Variants in NT5C2 observed in about 807,000 individuals in gnomAD.
NT5C2 encodes 5'-nucleotidase, cytosolic II.
Under a neutral mutation model 76.1 loss-of-function variants are expected in NT5C2, and 58 were observed. The ratio of observed to expected loss-of-function variants is 0.76; its 90% CI spans 0.62 to 0.95. NT5C2 has a LOEUF of 0.95. Among genes scored for constraint, NT5C2 ranks in the 40% least tolerant of loss-of-function variants. The pLI is 0.00. For synonymous variants in NT5C2, 229 were observed against 237.4 expected, an observed-to-expected ratio of 0.96 and a Z score of 0.32; for missense variants, 478 against 690.3, an observed-to-expected ratio of 0.69 and a Z score of 3.45.
chr10:103,129,457 C>T (rs1448355554), intron 4 of NT5C2, among the ~76,000 whole-genome samples: 9 of 113,026 alleles, frequency 8.0e-5, no homozygotes, highest in South Asian at 3.3e-4. Flanking sequence ...GGCCAGCCAC[C>T]CCGTCCGGGA....
At chr10:103,096,800 C>T (rs889253994) in intron 11 of NT5C2, among the ~76,000 whole-genome samples, 3 of 141,998 alleles carry the variant, frequency 2.1e-5, no homozygotes, top group Admixed American at 7.3e-5. Context: ...GAGCCGAGAT[C>T]GCACCACTGC....
intron 4 of NT5C2, among the ~76,000 whole-genome samples, chr10:103,135,303 G>A (rs1195562881): frequency 6.6e-6 from 1 of 152,140 alleles, no homozygotes; most frequent in Non-Finnish European, 1.5e-5. Flanking sequence ...TCATGGGAGT[G>A]GGTCTTTCCC....
At chr10:103,149,312 C>T (rs1447391716) in intron 3 of NT5C2, among the ~76,000 whole-genome samples, 1 of 152,172 alleles carries the variant, frequency 6.6e-6, no homozygotes, top group Non-Finnish European at 1.5e-5. Context: ...AATGCAGACT[C>T]TCTTTCCAGC....
chr10:103,115,033 A>C (rs1006767986), intron 4 of NT5C2, among the ~76,000 whole-genome samples: 1 of 152,258 alleles, frequency 6.6e-6, no homozygotes, highest in African/African-American at 2.4e-5. Context: ...GAGAATGTGT[A>C]AGCAGAAAGG....
intron 4 of NT5C2, chr10:103,125,209 G>A: frequency 1.3e-6 from 1 of 761,798 alleles, no homozygotes; most frequent in Admixed American, 1.8e-5. Context: ...TGTTTAGCCT[G>A]CCTGTGAGGT....
chr10:103,131,399 G>A (rs533120201), intron 4 of NT5C2, among the ~76,000 whole-genome samples: 3 of 152,284 alleles, frequency 2.0e-5, no homozygotes, highest in South Asian at 4.1e-4. Context: ...AATCATCAAT[G>A]TGATGGTGTC....
intron 1 of NT5C2, among the ~76,000 whole-genome samples, chr10:103,186,977 G>A (rs1440976319): frequency 6.6e-6 from 1 of 152,188 alleles, no homozygotes; most frequent in East Asian, 1.9e-4. Context: ...TAGGCCAGGG[G>A]CGGTGGTTCA....
At chr10:103,174,678 C>A (rs1028073625) in intron 3 of NT5C2, among the ~76,000 whole-genome samples, 180 bp downstream of exon 3, 6 of 152,182 alleles carry the variant, frequency 3.9e-5, no homozygotes, top group African/African-American at 1.4e-4. Flanking sequence ...CTAGTAGATA[C>A]ACAAAGCAGT....
intron 3 of NT5C2, among the ~76,000 whole-genome samples, chr10:103,141,920 G>A (rs935667901): frequency 2.0e-5 from 3 of 152,154 alleles, no homozygotes; most frequent in Non-Finnish European, 4.4e-5. Flanking sequence ...ATAACATGGA[G>A]GAGAGAGTAC....
At chr10:103,096,531 G>GA (rs2068227779) in intron 11 of NT5C2, among the ~76,000 whole-genome samples, 1 of 152,164 alleles carries the variant, frequency 6.6e-6, no homozygotes, top group African/African-American at 2.4e-5. Flanking sequence ...TTAATCATGG[G>GA]AAAAAACTGT....
chr10:103,154,436 A>T (rs898616875), intron 3 of NT5C2, among the ~76,000 whole-genome samples: 9 of 152,186 alleles, frequency 5.9e-5, no homozygotes, highest in Non-Finnish European at 1.0e-4. Context: ...TAGAAAAAAT[A>T]AAAAAGAAAA....
chr10:103,093,388 CTAT>C (rs778230794), intron 14 of NT5C2, 79 bp from the exon 15 acceptor site: 33 of 1,211,662 alleles, frequency 2.7e-5, no homozygotes, highest in Non-Finnish European at 3.6e-5. Context: ...CCATTAAATA[CTAT>C]GATTCATTTT....
chr10:103,167,876 C>T (rs1386686820), intron 3 of NT5C2, among the ~76,000 whole-genome samples: 2 of 152,076 alleles, frequency 1.3e-5, no homozygotes, highest in Admixed American at 6.5e-5. Context: ...ATGAGCCATC[C>T]ACCCGCCTGG....
At chr10:103,150,825 A>T (rs1050517232) in intron 3 of NT5C2, among the ~76,000 whole-genome samples, 1 of 152,228 alleles carries the variant, frequency 6.6e-6, no homozygotes, top group African/African-American at 2.4e-5. Flanking sequence ...TTGAATTACA[A>T]GAGTTCTTCG....
chr10:103,189,272 T>TAA (rs1491305700), intron 1 of NT5C2, among the ~76,000 whole-genome samples: 1 of 152,174 alleles, frequency 6.6e-6, no homozygotes, highest in Non-Finnish European at 1.5e-5. Context: ...ATAATGATCA[T>TAA]TTGATATGTC....
At chr10:103,131,639 C>T (rs12571568) in intron 4 of NT5C2, among the ~76,000 whole-genome samples, 1 of 152,028 alleles carries the variant, frequency 6.6e-6, no homozygotes, top group East Asian at 1.9e-4. Flanking sequence ...CTCAAAGCAA[C>T]GCCGGGTGCA....
At chr10:103,147,634 C>G (rs1433806269) in intron 3 of NT5C2, among the ~76,000 whole-genome samples, 1 of 152,164 alleles carries the variant, frequency 6.6e-6, no homozygotes, top group Non-Finnish European at 1.5e-5. Flanking sequence ...TATATGTTGT[C>G]ATAGACATAA....
At chr10:103,186,926 A>AG (rs2092096996) in intron 1 of NT5C2, among the ~76,000 whole-genome samples, 1 of 151,690 alleles carries the variant, frequency 6.6e-6, no homozygotes, top group Admixed American at 6.6e-5. Flanking sequence ...AAAAAAAAAA[A>AG]AAAGGCATTT....
intron 1 of NT5C2, among the ~76,000 whole-genome samples, chr10:103,183,279 A>AATATATATATTT (rs2091476066): frequency 1.5e-5 from 2 of 133,588 alleles, no homozygotes; most frequent in East Asian, 2.1e-4. Flanking sequence ...ATATATATAT[A>AATATATATATTT]TATATATATA....
Sources: allele counts gnomAD v4.1 joint callset (sites outside exome capture counted in the v4.1 genomes callset), GRCh38; gene constraint gnomAD v4.1.1; transcripts MANE v1.5; gene names NCBI Gene and HGNC (gene_info 2026-07-23, HGNC 2026-07-21).